Variants in DIO1 observed in about 807,000 individuals in gnomAD.
DIO1 encodes the protein iodothyronine deiodinase 1, also known as type I iodothyronine deiodinase.
In DIO1, 17 loss-of-function variants were observed where a neutral mutation model predicts 25.9. The observed-to-expected ratio is 0.66, with a 90% confidence interval of 0.45 to 0.98. The LOEUF is 0.98. Among genes scored for constraint, DIO1 ranks in the 50% least tolerant of loss-of-function variants. The pLI is 0.00. For missense variants in DIO1, 270 were observed against 310.4 expected, an observed-to-expected ratio of 0.87 and a Z score of 0.98; for synonymous variants, 115 against 114.0, an observed-to-expected ratio of 1.01 and a Z score of -0.05.
chr1:53,907,782 A>G (rs1288620879), intron 3 of DIO1, among the ~76,000 whole-genome samples: 3 of 149,562 alleles, frequency 2.0e-5, no homozygotes, highest in East Asian at 4.0e-4. Flanking sequence ...GTGGTGGCGC[A>G]TGCCTGTAAT....
intron 2 of DIO1, among the ~76,000 whole-genome samples, chr1:53,905,615 G>A (rs974628930): frequency 5.3e-5 from 8 of 152,306 alleles, no homozygotes; most frequent in East Asian, 1.9e-4. Context: ...CCACGCTGAC[G>A]CCTAGGGTTT....
At position 53,909,904 on chromosome 1, in the gene DIO1, G is replaced by A. The variant is rs376980582; in HGVS notation, c.682-27G>A. On this transcript the variant is annotated intron_variant, in intron 3 of 3. Coordinates refer to ENST00000361921, the MANE Select transcript of DIO1 (RefSeq NM_000792.7). ...ACAACTTGGAAATCCTTACAAGTTG[G>A]GAATGCCTGATTCGTTTCTCTTGCA... 13 of 1,611,546 alleles carry A rather than the reference G, an allele frequency of 8.1e-6. No individual in the cohort carries two copies. The African/African-American group carries it at 1.7e-4, about 22-fold the overall frequency.
At chr1:53,899,289 T>C (rs1319445919) in intron 1 of DIO1, among the ~76,000 whole-genome samples, 1 of 152,216 alleles carries the variant, frequency 6.6e-6, no homozygotes, top group African/African-American at 2.4e-5. Context: ...TAACTATAAA[T>C]AGGATTTCTC....
chr1:53,904,224 A>G (rs750114994), intron 1 of DIO1, among the ~76,000 whole-genome samples: 8 of 152,352 alleles, frequency 5.3e-5, no homozygotes, highest in East Asian at 1.9e-4. Flanking sequence ...TTCAGAAACC[A>G]GAATGTTCAT....
chr1:53,907,416 AC>A (rs141916647), intron 3 of DIO1, among the ~76,000 whole-genome samples: 2,028 of 152,260 alleles, frequency 0.013, 51 homozygotes, highest in African/African-American at 0.046. Context: ...GATCAAGCTG[AC>A]CCTACCTATT....
rs1389591405 is a variant in DIO1 at position 53,904,707 on chromosome 1, C to A, written c.379C>A (p.Pro127Thr). Residue 127 changes from proline to threonine, a missense_variant, in exon 2 of 4, where the codon CCT becomes ACT. Coordinates refer to ENST00000361921, the MANE Select transcript of DIO1 (RefSeq NM_000792.7). ...GCTGAATTTTGGAAGTTGTACCTGA[C>A]CTTCATTTATGTTCAAATTTGACCA... ...LVLNFGSCTU[P>T]SFMFKFDQFK... The A allele has an allele frequency of 6.2e-7, 1 of 1,613,448 alleles. No individual in the cohort carries two copies. The highest frequency in any genetic ancestry group is 8.5e-7 in the Non-Finnish European group (1 of 1,179,756).
chr1:53,899,032 G>A (rs1651225852), intron 1 of DIO1, among the ~76,000 whole-genome samples: 1 of 152,158 alleles, frequency 6.6e-6, no homozygotes, highest in Non-Finnish European at 1.5e-5. Flanking sequence ...ACGACAGCAG[G>A]AGCTCAGGGA....
chr1:53,909,861 C>A, intron 3 of DIO1, 70 bp from the exon 4 acceptor site: 1 of 1,494,064 alleles, frequency 6.7e-7, no homozygotes, highest in South Asian at 1.1e-5. Flanking sequence ...AACTAACCTC[C>A]AGACCTACAT....
In DIO1 at chr1:53,894,301, A is replaced by G. The variant is rs1398767301; in HGVS notation, c.91A>G (p.Ile31Val). 1 of 1,614,192 alleles carries G rather than the reference A, an allele frequency of 6.2e-7. No homozygotes were observed. The highest frequency in any genetic ancestry group is 8.5e-7 in the Non-Finnish European group (1 of 1,180,032). The part of the protein sequence containing the change: ...VHVVVGKVLL[I>V]LFPDRVKRNI... The stretch of plus-strand genomic sequence containing the variant: ...TGTGGTCGTGGGTAAAGTGCTTCTG[A>G]TATTGTTTCCAGACAGAGTCAAGCG... The change falls in exon 1 of 4, where the codon ATA becomes GTA. Residue 31 changes from isoleucine to valine, a missense_variant. Coordinates refer to ENST00000361921, the MANE Select transcript of DIO1 (RefSeq NM_000792.7). This position sits in a 1 kb window ranked among gnomAD's most constrained non-coding sequence, Gnocchi z 4.9.
intron 2 of DIO1, 87 bp downstream of exon 2, chr1:53,904,896 G>A: frequency 6.9e-7 from 1 of 1,449,502 alleles, no homozygotes; most frequent in Non-Finnish European, 9.3e-7. Context: ...AGGTTGGGAG[G>A]TGGAAGGAGG....
intron 2 of DIO1, among the ~76,000 whole-genome samples, chr1:53,905,040 G>T (rs1557624669): frequency 6.6e-6 from 1 of 152,204 alleles, no homozygotes; most frequent in Non-Finnish European, 1.5e-5. Flanking sequence ...ACAGGGTCTG[G>T]CTAGGAGAGG....
rs147669640 is a variant in DIO1, at chr1:53,894,345, C to A, written c.135C>A (p.Gly45=). 6.2e-7 allele frequency: 1 copy of A among 1,614,172 alleles called. No individual in the cohort carries two copies. The highest frequency in any genetic ancestry group is 1.1e-5 in the South Asian group (1 of 91,084). The change falls in exon 1 of 4, where the codon GGC becomes GGA. Residue 45 remains glycine (G), a synonymous_variant. Transcript: ENST00000361921. The surrounding 1 kb of genome is among the most constrained non-coding windows in gnomAD (Gnocchi z 4.9). ...TCAAGCGGAACATCCTGGCCATGGG[C>A]GAGAAGACGGGTATGACCAGGAACC... ...DRVKRNILAM[G]EKTGMTRNPH...
intron 2 of DIO1, 58 bp from the exon 3 acceptor site, chr1:53,906,037 G>A: frequency 1.3e-6 from 2 of 1,536,740 alleles, no homozygotes; most frequent in Non-Finnish European, 1.8e-6. Context: ...GGGCTATTTA[G>A]TCTGCAGGAA....
chr1:53,900,724 C>G (rs1651314540), intron 1 of DIO1, among the ~76,000 whole-genome samples: 1 of 152,094 alleles, frequency 6.6e-6, no homozygotes, highest in Non-Finnish European at 1.5e-5. Context: ...AGTTAAGATG[C>G]CCTCTACTCC....
rs138535571 is a variant in DIO1 at position 53,894,465 on chromosome 1, G to A, written c.255G>A (p.Thr85=). Residue 85 remains threonine, a synonymous_variant, in exon 1 of 4, where the codon ACG becomes ACA. Transcript: ENST00000361921. The surrounding 1 kb of genome is among the most constrained non-coding windows in gnomAD (Gnocchi z 4.9). ...LKVRWQRLED[T]TELGGLAPNC... The stretch of plus-strand genomic sequence containing the variant: ...TCCGTTGGCAGCGACTAGAGGACAC[G>A]ACTGAGCTAGGGGGTCTGGCCCCAA... The A allele has an allele frequency of 2.2e-5, 35 of 1,614,076 alleles. No individual in the cohort carries two copies. The highest frequency in any genetic ancestry group is 2.6e-5 in the Non-Finnish European group (31 of 1,180,044).
Position 53,906,271 on chromosome 1 carries a change from C to T in DIO1, c.658C>T (p.Gln220Ter). The T allele has an allele frequency of 6.2e-7, 1 of 1,613,242 alleles. No homozygotes were observed. The highest frequency in any genetic ancestry group is 8.5e-7 in the Non-Finnish European group (1 of 1,179,644). The change falls in exon 3 of 4, where the codon CAG becomes TAG. Residue 220 changes from glutamine (Q) to a stop codon, truncating the protein, a stop_gained. Transcript: ENST00000361921. LOFTEE classifies it high-confidence loss of function. ...ACTGCCTGAGAGGCTCTACATAATC[C>T]AGGAGGGCAGGATCCTCTACAAGGT... is the stretch of plus-strand genomic sequence containing the variant. ...AALPERLYIIQEGRILYKGKS... is the reference protein window; with the variant it reads ...AALPERLYII
At chr1:53,904,423 G>T (rs1473949988) in intron 1 of DIO1, among the ~76,000 whole-genome samples, 1 of 152,026 alleles carries the variant, frequency 6.6e-6, no homozygotes, top group South Asian at 2.1e-4. Flanking sequence ...ACTGCTATGC[G>T]GCAACTGCAG....
chr1:53,895,850 A>T (rs954237125), intron 1 of DIO1, among the ~76,000 whole-genome samples: 4 of 152,318 alleles, frequency 2.6e-5, no homozygotes, highest in South Asian at 4.1e-4. Flanking sequence ...CGGCTGGTCA[A>T]GAATGCCCTT....
chr1:53,906,157 C>A lies in DIO1; in HGVS notation c.544C>A (p.Gln182Lys), dbSNP rs1267502525. Residue 182 changes from glutamine (Q) to lysine (K), a missense_variant, in exon 3 of 4, where the codon CAG (glutamine) becomes AAG (lysine). By Grantham distance (53) the Gln-to-Lys change is moderately conservative. Transcript: ENST00000361921. ...RNHQNLQDRL[Q>K]AAHLLLARSP... The stretch of plus-strand genomic sequence containing the variant: ...TCACCAGAACCTTCAGGATCGCCTG[C>A]AGGCAGCCCATCTACTGCTGGCCAG... 1 of 1,614,208 alleles carries A rather than the reference C, an allele frequency of 6.2e-7. No individual in the cohort carries two copies. The highest frequency in any genetic ancestry group is 8.5e-7 in the Non-Finnish European group (1 of 1,180,030).
Sources: allele counts gnomAD v4.1 joint callset (sites outside exome capture counted in the v4.1 genomes callset), GRCh38; gene constraint gnomAD v4.1.1; non-coding constraint Gnocchi (gnomAD v3.1); transcripts MANE v1.5; gene names NCBI Gene and HGNC (gene_info 2026-07-23, HGNC 2026-07-21).